Variants in FOXP4 observed in about 807,000 individuals in gnomAD.
The protein encoded by FOXP4 is forkhead box protein P4.
In FOXP4, 25 loss-of-function variants were observed where a neutral mutation model predicts 82.6. The observed-to-expected ratio is 0.30, with a 90% CI of 0.22 to 0.42. FOXP4 has a LOEUF of 0.42. FOXP4 is among the 10% of genes least tolerant of loss of function. The pLI, the probability that FOXP4 is intolerant of heterozygous loss-of-function variation, is 1.00. For synonymous variants in FOXP4, 415 were observed against 388.2 expected, an observed-to-expected ratio of 1.07 and a Z score of -0.81; for missense variants, 785 against 900.9, an observed-to-expected ratio of 0.87 and a Z score of 1.65.
chr6:41,578,561 GCTCT>G (rs1252305417), intron 3 of FOXP4, among the ~76,000 whole-genome samples: 1 of 151,390 alleles, frequency 6.6e-6, no homozygotes, highest in Non-Finnish European at 1.5e-5. Flanking sequence ...TCATCCACCA[GCTCT>G]CTCGCAGTCT....
Position 41,597,798 on chromosome 6 carries a change from C to A in FOXP4, c.1743C>A (p.Ser581Arg). 6.2e-7 allele frequency: 1 copy of A among 1,607,362 alleles called. No homozygotes were observed. The change falls in exon 16 of 17, where the codon AGC becomes AGA. Residue 581 changes from serine to arginine, a missense_variant. Physicochemically the swap from Ser to Arg is moderately radical, Grantham distance 110. Transcript: ENST00000307972. The stretch of plus-strand genomic sequence containing the variant: ...CCCTGCAGGCCGCCCTGGCCGAGAG[C>A]AGCTTCCCCCTCCTCAACAGCCCTG... ...NASYQAALAE[S>R]SFPLLNSPGM...
chr6:41,587,571 C>T, intron 7 of FOXP4, 59 bp downstream of exon 7: 1 of 1,381,118 alleles, frequency 7.2e-7, no homozygotes, highest in Non-Finnish European at 9.9e-7. Flanking sequence ...GACCTGGCCC[C>T]CCACCCATGA....
chr6:41,547,774 A>AG (rs1763735026), intron 1 of FOXP4, among the ~76,000 whole-genome samples: 1 of 143,844 alleles, frequency 7.0e-6, no homozygotes, highest in South Asian at 2.2e-4. Flanking sequence ...GTGACCGAGC[A>AG]GGACCCCCCC....
intron 1 of FOXP4, among the ~76,000 whole-genome samples, chr6:41,562,735 G>A (rs1039511060): frequency 6.6e-6 from 1 of 152,214 alleles, no homozygotes; most frequent in Non-Finnish European, 1.5e-5. Context: ...AGATCTCAGA[G>A]AAGCTAGACT....
chr6:41,578,207 C>CA (rs1442921845), intron 3 of FOXP4, 126 bp downstream of exon 3: 1 of 742,418 alleles, frequency 1.3e-6, no homozygotes, highest in Non-Finnish European at 2.2e-6. Flanking sequence ...GGCAACTTTT[C>CA]AAAGGAAATA....
At position 41,584,854 on chromosome 6, in the gene FOXP4, C is replaced by T; in HGVS notation, c.386C>T (p.Ala129Val). 6.2e-7 allele frequency: 1 copy of T among 1,611,008 alleles called. No individual in the cohort carries two copies. The highest frequency in any genetic ancestry group is 8.5e-7 in the Non-Finnish European group (1 of 1,178,878). The change falls in exon 4 of 17, where the codon GCC becomes GTC. Residue 129 changes from alanine to valine, a missense_variant. Ala to Val is a moderately conservative substitution (Grantham distance 64). This residue lies in a region of FOXP4 where 570 missense variants were observed against 634.0 expected (regional missense o/e 0.90). Coordinates refer to ENST00000307972, the MANE Select transcript of FOXP4 (RefSeq NM_001012426.2). ...ATCCTGTCGCCCCCGCAGCTGCAGG[C>T]CTTGCTCCAGCAGCAGCAAGCCCTC... ...QQILSPPQLQ[A>V]LLQQQQALML... is the part of the protein sequence containing the mutation.
At chr6:41,576,521 A>G (rs999404438) in intron 2 of FOXP4, among the ~76,000 whole-genome samples, 2 of 152,126 alleles carry the variant, frequency 1.3e-5, no homozygotes, top group Non-Finnish European at 2.9e-5. Context: ...CAGAAAAAAC[A>G]AGTGTATGTG....
Position 41,584,832 on chromosome 6 carries a change from C to A in FOXP4, c.364C>A (p.Leu122Met). 1 of 1,609,612 alleles carries A rather than the reference C, an allele frequency of 6.2e-7. No individual in the cohort carries two copies. Among genetic ancestry groups the A allele is most frequent in the Non-Finnish European group, 8.5e-7 (1 of 1,178,200 alleles). Residue 122 changes from leucine (L) to methionine (M), a missense_variant, in exon 4 of 17, where the codon CTG becomes ATG. Transcript: ENST00000307972. ...MLTPQQMQQI[L>M]SPPQLQALLQ... ...TACCCCGCAACAGATGCAGCAGATC[C>A]TGTCGCCCCCGCAGCTGCAGGCCTT...
intron 13 of FOXP4, among the ~76,000 whole-genome samples, chr6:41,594,486 C>T (rs189035379): frequency 1.3e-5 from 2 of 152,100 alleles, no homozygotes; most frequent in Admixed American, 1.3e-4. Flanking sequence ...TGCCGGGGCC[C>T]GAATGTGATC....
chr6:41,587,822 A>T lies in FOXP4; in HGVS notation c.902A>T (p.His301Leu). 1 of 1,568,596 alleles carries T rather than the reference A, an allele frequency of 6.4e-7. No homozygotes were observed. The highest frequency in any genetic ancestry group is 8.7e-7 in the Non-Finnish European group (1 of 1,155,316). Residue 301 changes from histidine to leucine, a missense_variant, in exon 8 of 17, where the codon CAC becomes CTC. Coordinates refer to ENST00000307972, the MANE Select transcript of FOXP4 (RefSeq NM_001012426.2). ...TCCCACGAGGAGACCCCCGGCTCCC[A>T]CCCCCTGTACGGACACGGAGAGTGC... Reference protein sequence around the residue: ...SSSHEETPGSHPLYGHGECKW... With the variant: ...SSSHEETPGSLPLYGHGECKW...
intron 3 of FOXP4, among the ~76,000 whole-genome samples, chr6:41,583,682 G>A (rs747507173): frequency 1.6e-4 from 25 of 152,174 alleles, no homozygotes; most frequent in African/African-American, 4.8e-4. Context: ...TGGAGGGGGC[G>A]GCAGACAGCC....
chr6:41,581,713 T>C (rs1765812870), intron 3 of FOXP4, among the ~76,000 whole-genome samples: 1 of 152,224 alleles, frequency 6.6e-6, no homozygotes, highest in South Asian at 2.1e-4. Context: ...GTGACCCCAG[T>C]GGGCCACCTC....
chr6:41,585,426 C>G lies in FOXP4; in HGVS notation c.424-5C>G, dbSNP rs200488844. Reference sequence around the variant, plus strand: ...GCCAGTGGTAACCCTCCTCCACCCCCCCAGCTACAGGAGTACTACAAGAAG... The same window carrying G: ...GCCAGTGGTAACCCTCCTCCACCCCGCCAGCTACAGGAGTACTACAAGAAG... On this transcript the variant is annotated splice_polypyrimidine_tract_variant and splice_region_variant and intron_variant, in intron 4 of 16. Transcript: ENST00000307972. The G allele has an allele frequency of 7.6e-5, 123 of 1,613,544 alleles. No homozygotes were observed. Among genetic ancestry groups the G allele is most frequent in the Admixed American group, 3.8e-4 (23 of 59,972 alleles).
In FOXP4 at chr6:41,598,854, T is replaced by C. The variant is rs770304051; in HGVS notation, c.1961T>C (p.Leu654Pro). The C allele has an allele frequency of 3.1e-6, 5 of 1,590,008 alleles. No individual in the cohort carries two copies. The highest frequency in any genetic ancestry group is 2.3e-5 in the East Asian group (1 of 44,070). The change falls in exon 17 of 17, where the codon CTG becomes CCG. Residue 654 changes from leucine (L) to proline (P), a missense_variant. Leu to Pro is a moderately conservative substitution (Grantham distance 98, BLOSUM62 -3). Around this residue, in one of 3 missense-constraint regions of FOXP4, gnomAD observed 184 missense variants for 187.3 expected, o/e 0.98. Transcript: ENST00000307972. ...AEEDRQPGPP[L>P]GAPNPSASGP... ...GAAGACAGGCAGCCCGGGCCTCCCC[T>C]GGGCGCCCCTAACCCCAGCGCCTCG...
At chr6:41,584,537 G>A (rs11760107) in intron 3 of FOXP4, among the ~76,000 whole-genome samples, 22,592 of 152,248 alleles carry the variant, frequency 0.15, 1,762 homozygotes, top group Middle Eastern at 0.18. Flanking sequence ...TCCTTATGGT[G>A]ACCTTAATAG....
intron 3 of FOXP4, among the ~76,000 whole-genome samples, chr6:41,583,021 AAACAAC>A (rs200694532): frequency 6.6e-6 from 1 of 152,130 alleles, no homozygotes; most frequent in Non-Finnish European, 1.5e-5. Flanking sequence ...TGAGGTTAAA[AAACAAC>A]AACAACAACA....
In FOXP4 at chr6:41,558,371, G is replaced by T. The variant is rs1581707770; in HGVS notation, c.-16-7374G>T. Among the ~76,000 whole-genome samples the T allele has an allele frequency of 6.6e-6, 1 of 152,162 alleles. No individual in the cohort carries two copies. The highest frequency in any genetic ancestry group is 1.5e-5 in the Non-Finnish European group (1 of 68,032). On this transcript the variant is annotated intron_variant, in intron 1 of 16. Coordinates refer to ENST00000307972, the MANE Select transcript of FOXP4 (RefSeq NM_001012426.2). This position sits in a 1 kb window ranked among gnomAD's most constrained non-coding sequence, Gnocchi z 4.0. The stretch of plus-strand genomic sequence containing the variant: ...GTGCTGAACCAAGGGCTGGGAGAGG[G>T]GGGTGGGATCAATTTTTAAACCATA...
intron 1 of FOXP4, among the ~76,000 whole-genome samples, chr6:41,555,965 T>G (rs1245849420): frequency 2.0e-5 from 3 of 152,112 alleles, no homozygotes; most frequent in Non-Finnish European, 4.4e-5. Context: ...TATTGTTAAT[T>G]CTTTTTTTTG....
chr6:41,576,588 G>C (rs1452837108), intron 2 of FOXP4, among the ~76,000 whole-genome samples: 1 of 152,180 alleles, frequency 6.6e-6, no homozygotes, highest in African/African-American at 2.4e-5. Context: ...AAGTGCGCAG[G>C]GCACGAGGCT....
Sources: allele counts gnomAD v4.1 joint callset (sites outside exome capture counted in the v4.1 genomes callset), GRCh38; gene constraint gnomAD v4.1.1; regional missense constraint gnomAD v4.1.1; non-coding constraint Gnocchi (gnomAD v3.1); transcripts MANE v1.5; gene names NCBI Gene and HGNC (gene_info 2026-07-23, HGNC 2026-07-21).